Variants in TEAD4 observed in about 807,000 individuals in gnomAD.
TEAD4 encodes the protein transcriptional enhancer factor TEF-3.
TEAD4 carries 36 observed loss-of-function variants against 52.4 expected under a neutral mutation model. That is an observed-to-expected ratio of 0.69 (90% CI 0.53 to 0.91). The LOEUF (loss-of-function observed/expected upper bound fraction) is 0.91, where lower values mean the gene tolerates loss of function less well. Among genes scored for constraint, TEAD4 ranks in the 40% least tolerant of loss-of-function variants. The probability of loss-of-function intolerance (pLI) is 0.00; values close to 1 mark genes in which losing one functional copy is unlikely to be tolerated. For synonymous variants in TEAD4, 220 were observed against 231.0 expected (o/e 0.95, Z 0.43); for missense variants, 508 against 583.9 (o/e 0.87, Z 1.34).
chr12:2,990,474 T>TG (rs1591569315), intron 2 of TEAD4, among the ~76,000 whole-genome samples: 1 of 131,974 alleles, frequency 7.6e-6, no homozygotes. Flanking sequence ...TTTTTTTTTT[T>TG]TTTTTTTTTT....
intron 3 of TEAD4, among the ~76,000 whole-genome samples, chr12:3,005,440 T>C (rs2098255053): frequency 6.6e-6 from 1 of 152,088 alleles, no homozygotes; most frequent in Non-Finnish European, 1.5e-5. Flanking sequence ...ACTACAGGCA[T>C]GTGCTACCAC....
intron 2 of TEAD4, among the ~76,000 whole-genome samples, chr12:2,989,527 C>T (rs902369273): frequency 6.6e-6 from 1 of 152,172 alleles, no homozygotes; most frequent in African/African-American, 2.4e-5. Context: ...CAACCTCTAC[C>T]TCCTGGGTTC....
intron 2 of TEAD4, among the ~76,000 whole-genome samples, chr12:2,970,459 G>A (rs1023334170): frequency 3.3e-5 from 5 of 152,158 alleles, no homozygotes; most frequent in Admixed American, 2.6e-4. Flanking sequence ...TTCTTTCCCC[G>A]GCACATAATA....
At chr12:3,032,857 A>G (rs758809122) in intron 10 of TEAD4, among the ~76,000 whole-genome samples, 1 of 152,166 alleles carries the variant, frequency 6.6e-6, no homozygotes. Flanking sequence ...GGAAAGGTAC[A>G]TATTCGTGTT....
At chr12:3,022,849 C>T (rs1457218984) in intron 10 of TEAD4, among the ~76,000 whole-genome samples, 1 of 152,146 alleles carries the variant, frequency 6.6e-6, no homozygotes, top group Non-Finnish European at 1.5e-5. Flanking sequence ...GGTGGCTCTG[C>T]CCGCATCCCT....
chr12:2,995,236 C>T (rs377467030), intron 3 of TEAD4, among the ~76,000 whole-genome samples: 2 of 152,046 alleles, frequency 1.3e-5, no homozygotes, highest in African/African-American at 2.4e-5. Flanking sequence ...TTGGAAAAGG[C>T]GAATCTGGGT....
intron 6 of TEAD4, 131 bp downstream of exon 6, chr12:3,017,657 G>T: frequency 7.6e-7 from 1 of 1,323,358 alleles, no homozygotes; most frequent in Non-Finnish European, 1.0e-6. Flanking sequence ...GGCAGTCAGG[G>T]AAGGAGGGAA....
intron 10 of TEAD4, among the ~76,000 whole-genome samples, chr12:3,034,277 G>T (rs1591600930): frequency 6.6e-6 from 1 of 152,244 alleles, no homozygotes; most frequent in East Asian, 1.9e-4. Context: ...AACTCTCAGG[G>T]TGAGCAGGAC....
At position 3,012,435 on chromosome 12, in the gene TEAD4, G is replaced by A. The variant is rs564426477; in HGVS notation, c.354+203G>A. On this transcript the variant is annotated intron_variant, in intron 5 of 12. Coordinates refer to ENST00000359864, the MANE Select transcript of TEAD4 (RefSeq NM_003213.4). ...TGGATGCCTGGCTCCCCACACCCTG[G>A]GAGCTACAGGCCAGGCTCCTGCTGG... Among the ~76,000 whole-genome samples, 4 of 152,232 alleles carry A rather than the reference G, an allele frequency of 2.6e-5. No individual in the cohort carries two copies. The South Asian group carries it at 8.3e-4, about 32-fold the overall frequency.
intron 2 of TEAD4, among the ~76,000 whole-genome samples, chr12:2,966,999 A>G (rs568084793): frequency 6.6e-6 from 1 of 152,258 alleles, no homozygotes; most frequent in South Asian, 2.1e-4. Context: ...GAACCACCGC[A>G]CCTGACCCTG....
chr12:2,997,747 C>T (rs1388435742), intron 3 of TEAD4, among the ~76,000 whole-genome samples: 3 of 148,614 alleles, frequency 2.0e-5, no homozygotes, highest in Non-Finnish European at 3.0e-5. Flanking sequence ...ACTAAATCAA[C>T]AGACATTTGT....
intron 5 of TEAD4, among the ~76,000 whole-genome samples, chr12:3,015,258 C>T (rs1447421730): frequency 6.6e-6 from 1 of 152,208 alleles, no homozygotes; most frequent in Non-Finnish European, 1.5e-5. Flanking sequence ...GCATGGCCCC[C>T]CGTGTGCCAG....
chr12:3,019,104 C>T lies in TEAD4; in HGVS notation c.528-11C>T, dbSNP rs201375144. On this transcript the variant is annotated splice_polypyrimidine_tract_variant and intron_variant, in intron 7 of 12. Transcript: ENST00000359864. ...CCGAGGCTGACACCTCCCCTCCTCT[C>T]TCTCCCGCAGTGTGAAGCCTTTCTC... 6.2e-7 allele frequency: 1 copy of T among 1,613,894 alleles called. No homozygotes were observed. The highest frequency in any genetic ancestry group is 8.5e-7 in the Non-Finnish European group (1 of 1,179,948).
rs1373992045 is a variant in TEAD4, at chr12:3,017,012, C to G, written c.355-386C>G. ...CCCGTGTGGCCAGGGATGATGCTTCCTGTGCACTCGAGGAGGGATCCAGCA... is the reference window on the plus strand; with the variant it reads ...CCCGTGTGGCCAGGGATGATGCTTCGTGTGCACTCGAGGAGGGATCCAGCA... On this transcript the variant is annotated intron_variant, in intron 5 of 12. Coordinates refer to ENST00000359864, the MANE Select transcript of TEAD4 (RefSeq NM_003213.4). 6.7e-6 allele frequency: 3 copies of G among 450,694 alleles called. No individual in the cohort carries two copies. The East Asian group carries it at 2.1e-4, about 31-fold the overall frequency. 27.9% of individuals were successfully genotyped at this position (450,694 alleles called of 1,614,324 possible). A position where few individuals can be genotyped will look rare whatever the true frequency, so the allele number is the denominator to read the frequency against.
chr12:2,969,777 A>C (rs1300900845), intron 2 of TEAD4, among the ~76,000 whole-genome samples: 2 of 152,194 alleles, frequency 1.3e-5, no homozygotes, highest in Non-Finnish European at 2.9e-5. Context: ...CCAAACAAGC[A>C]CGGTGTTAGG....
chr12:3,005,571 A>G (rs2098255245), intron 3 of TEAD4, among the ~76,000 whole-genome samples: 1 of 151,836 alleles, frequency 6.6e-6, no homozygotes, highest in Admixed American at 6.6e-5. Flanking sequence ...ATCTCGGCTC[A>G]CTGCAAGCTC....
intron 2 of TEAD4, among the ~76,000 whole-genome samples, chr12:2,962,817 A>T (rs1179471732): frequency 6.6e-6 from 1 of 152,178 alleles, no homozygotes; most frequent in African/African-American, 2.4e-5. Context: ...AGGGACAGTA[A>T]CTTGCTTAAT....
chr12:3,019,064 G>C (rs571343812), intron 7 of TEAD4, 51 bp from the exon 8 acceptor site: 3 of 1,605,522 alleles, frequency 1.9e-6, no homozygotes, highest in African/African-American at 1.3e-5. Context: ...GCAGGGATCC[G>C]GGGCGGTGGC....
intron 2 of TEAD4, among the ~76,000 whole-genome samples, chr12:2,975,121 T>C (rs922396606): frequency 1.3e-5 from 2 of 151,382 alleles, no homozygotes; most frequent in African/African-American, 4.9e-5. Flanking sequence ...TTTTGCTTTA[T>C]TCTAGAACCC....
Sources: allele counts gnomAD v4.1 joint callset (sites outside exome capture counted in the v4.1 genomes callset), GRCh38; gene constraint gnomAD v4.1.1; transcripts MANE v1.5; gene names NCBI Gene and HGNC (gene_info 2026-07-23, HGNC 2026-07-21).